Variants in LRRTM4 observed in about 807,000 individuals in gnomAD.
The protein encoded by LRRTM4 is leucine-rich repeat transmembrane neuronal protein 4.
Under a neutral mutation model 47.6 loss-of-function variants are expected in LRRTM4, and 25 were observed. The ratio of observed to expected loss-of-function variants is 0.53; its 90% confidence interval spans 0.38 to 0.73. The LOEUF (loss-of-function observed/expected upper bound fraction) is 0.73, where lower values mean the gene tolerates loss of function less well. Among genes scored for constraint, LRRTM4 ranks in the 30% least tolerant of loss-of-function variants. LRRTM4 has a pLI of 0.00. For synonymous variants in LRRTM4, 311 were observed against 269.5 expected, an observed-to-expected ratio of 1.15 and a Z score of -1.51; for missense variants, 638 against 713.4, an observed-to-expected ratio of 0.89 and a Z score of 1.20.
intron 3 of LRRTM4, among the ~76,000 whole-genome samples, chr2:77,024,928 C>T (rs1258595919): frequency 1.3e-5 from 2 of 151,894 alleles, no homozygotes; most frequent in Non-Finnish European, 2.9e-5. Flanking sequence ...AAAATATTTC[C>T]AATAGTCAAC....
intron 3 of LRRTM4, among the ~76,000 whole-genome samples, chr2:76,814,794 TACACACACACATACACACACACAC>T (rs796193269): frequency 6.1e-4 from 91 of 149,732 alleles, no homozygotes; most frequent in African/African-American, 2.1e-3. Flanking sequence ...GGCTTCAAGA[TACACACACACATACACACACACAC>T]ACACACACAC....
chr2:76,952,314 T>A (rs899443513), intron 3 of LRRTM4, among the ~76,000 whole-genome samples: 1 of 151,970 alleles, frequency 6.6e-6, no homozygotes, highest in African/African-American at 2.4e-5. Flanking sequence ...AAAGCTATAA[T>A]ATCCAGAACC....
intron 3 of LRRTM4, among the ~76,000 whole-genome samples, chr2:77,072,240 T>A (rs993940506): frequency 6.6e-6 from 1 of 152,186 alleles, no homozygotes; most frequent in African/African-American, 2.4e-5. Flanking sequence ...TTAAATCAAC[T>A]AATTACAGTT....
intron 3 of LRRTM4, among the ~76,000 whole-genome samples, chr2:77,120,345 G>T (rs1671493536): frequency 6.6e-6 from 1 of 151,738 alleles, no homozygotes. Flanking sequence ...CACATAGATT[G>T]CTAACGGGAG....
intron 3 of LRRTM4, among the ~76,000 whole-genome samples, chr2:76,786,971 A>AT (rs1034634160): frequency 8.2e-4 from 122 of 149,228 alleles, no homozygotes; most frequent in Middle Eastern, 6.8e-3. Context: ...ATTTACCTAC[A>AT]TTTTTTTTTT....
At chr2:76,780,175 C>G (rs933904550) in intron 3 of LRRTM4, among the ~76,000 whole-genome samples, 3 of 152,180 alleles carry the variant, frequency 2.0e-5, no homozygotes, top group African/African-American at 7.2e-5. Context: ...CCCGACCTTT[C>G]TCTCTGGCTG....
intron 3 of LRRTM4, among the ~76,000 whole-genome samples, chr2:77,193,464 A>T (rs558157570): frequency 6.6e-6 from 1 of 152,084 alleles, no homozygotes; most frequent in African/African-American, 2.4e-5. Context: ...GAATCCATCT[A>T]GTTGTCTGTA....
intron 3 of LRRTM4, among the ~76,000 whole-genome samples, chr2:77,081,293 T>G (rs879395029): frequency 1.7e-5 from 2 of 118,916 alleles, no homozygotes; most frequent in Admixed American, 1.6e-4. Context: ...CACACACACA[T>G]AAATTTGTTG....
intron 3 of LRRTM4, among the ~76,000 whole-genome samples, chr2:77,163,620 C>T (rs746725436): frequency 8.6e-5 from 13 of 151,386 alleles, no homozygotes; most frequent in South Asian, 4.2e-4. Context: ...AGACTAACAG[C>T]GGATCTGTTA....
At chr2:76,937,796 G>A (rs1293507440) in intron 3 of LRRTM4, among the ~76,000 whole-genome samples, 1 of 152,022 alleles carries the variant, frequency 6.6e-6, no homozygotes, top group Admixed American at 6.6e-5. Flanking sequence ...TCGATCTCGT[G>A]ATCTCGTGAT....
chr2:76,805,701 C>T (rs1169708592), intron 3 of LRRTM4, among the ~76,000 whole-genome samples: 1 of 152,024 alleles, frequency 6.6e-6, no homozygotes, highest in East Asian at 1.9e-4. Context: ...TGACGCATAC[C>T]ATGTATGAAG....
chr2:76,895,560 A>G (rs1425147302), intron 3 of LRRTM4, among the ~76,000 whole-genome samples: 1 of 152,068 alleles, frequency 6.6e-6, no homozygotes, highest in East Asian at 1.9e-4. Flanking sequence ...AAAAGGAAAC[A>G]GCCAGACTGC....
At chr2:77,138,593 G>T (rs942056832) in intron 3 of LRRTM4, among the ~76,000 whole-genome samples, 28 of 152,240 alleles carry the variant, frequency 1.8e-4, no homozygotes, top group Non-Finnish European at 3.5e-4. Flanking sequence ...ACATTCAAAA[G>T]CTAGCAGAAG....
chr2:76,759,102 T>G (rs573547232), intron 3 of LRRTM4, among the ~76,000 whole-genome samples: 3 of 152,310 alleles, frequency 2.0e-5, no homozygotes, highest in Non-Finnish European at 4.4e-5. Context: ...TTCTGAGAGT[T>G]AGGCCTTGTG....
chr2:77,406,131 G>A (rs1301147165), intron 3 of LRRTM4, among the ~76,000 whole-genome samples: 1 of 152,052 alleles, frequency 6.6e-6, no homozygotes, highest in East Asian at 1.9e-4. Flanking sequence ...TTCTTTCAGT[G>A]GTGGTAGTGG....
intron 3 of LRRTM4, among the ~76,000 whole-genome samples, chr2:77,425,064 G>C (rs528689797): frequency 6.6e-6 from 1 of 152,196 alleles, no homozygotes; most frequent in South Asian, 2.1e-4. Context: ...AAAAAGACCT[G>C]TGCTAAATAA....
At chr2:77,403,293 T>C (rs1452610437) in intron 3 of LRRTM4, among the ~76,000 whole-genome samples, 1 of 151,942 alleles carries the variant, frequency 6.6e-6, no homozygotes, top group African/African-American at 2.4e-5. Flanking sequence ...TCAGTGCCAT[T>C]TGGTTTCAGG....
At position 77,497,202 on chromosome 2, in the gene LRRTM4, T is replaced by C. The variant is rs565237395; in HGVS notation, c.1551+21116A>G. Reference sequence around the variant, plus strand: ...GTTTGCTCATTTTTTTGCCAATCAATCTGACTGGAATTTTATCAGTTGTAT... The same window carrying C: ...GTTTGCTCATTTTTTTGCCAATCAACCTGACTGGAATTTTATCAGTTGTAT... On this transcript the variant is annotated intron_variant, in intron 3 of 3. Coordinates refer to ENST00000409884, the MANE Select transcript of LRRTM4 (RefSeq NM_001134745.3). 7.9e-5 allele frequency among the ~76,000 whole-genome samples: 12 copies of C among 151,816 alleles called. No individual in the cohort carries two copies. In the South Asian group the frequency reaches 2.5e-3, roughly 31 times the overall value.
intron 3 of LRRTM4, among the ~76,000 whole-genome samples, chr2:77,073,988 T>G (rs1445904583): frequency 1.3e-5 from 2 of 152,108 alleles, no homozygotes; most frequent in Non-Finnish European, 2.9e-5. Flanking sequence ...TTCTACATGG[T>G]TCTTCTTATA....
Sources: allele counts gnomAD v4.1 joint callset (sites outside exome capture counted in the v4.1 genomes callset), GRCh38; gene constraint gnomAD v4.1.1; transcripts MANE v1.5; gene names NCBI Gene and HGNC (gene_info 2026-07-23, HGNC 2026-07-21).